The following WFDC8 variants were observed in gnomAD, a reference collection of about 807,000 sequenced individuals.
WFDC8 encodes WAP four-disulfide core domain 8, also known as WAP four-disulfide core domain protein 8.
Under a neutral mutation model 27.0 loss-of-function variants are expected in WFDC8, and 24 were observed. That is an observed-to-expected ratio of 0.89 (90% CI 0.64 to 1.25). WFDC8 has a LOEUF of 1.25. WFDC8 is among the 50% of genes most tolerant of loss of function. WFDC8 has a pLI of 0.00. For synonymous variants in WFDC8, 106 were observed against 99.7 expected (o/e 1.06, Z -0.38); for missense variants, 287 against 295.9 (o/e 0.97, Z 0.22).
At chr20:45,562,034 G>T in intron 2 of WFDC8, 76 bp downstream of exon 2, 1 of 1,353,340 alleles carries the variant, frequency 7.4e-7, no homozygotes, top group South Asian at 1.3e-5. Context: ...TCTGACACTG[G>T]CACTGGCCTC....
At chr20:45,561,475 CA>C (rs1980466028) in intron 2 of WFDC8, among the ~76,000 whole-genome samples, 1 of 152,174 alleles carries the variant, frequency 6.6e-6, no homozygotes, top group Admixed American at 6.5e-5. Flanking sequence ...TTGGCATCAA[CA>C]GGTCCAGTTT....
rs377095539 is a variant in WFDC8, at chr20:45,579,216, C to T, written c.26+6G>A. 502 of 1,613,782 alleles carry T rather than the reference C, an allele frequency of 3.1e-4. 1 individual carries two copies. Among genetic ancestry groups the T allele is most frequent in the Non-Finnish European group, 3.8e-4 (454 of 1,179,944 alleles). ...GGCTACCCACCCCCATAGACACCCT[C>T]CTCACCCTCCTTCAGTTCGGACAGT... On this transcript the variant is annotated splice_donor_region_variant and intron_variant, in intron 1 of 5. Coordinates refer to ENST00000289953, the MANE Select transcript of WFDC8 (RefSeq NM_130896.3).
At chr20:45,558,083 C>A (rs1044068198) in intron 3 of WFDC8, among the ~76,000 whole-genome samples, 1 of 152,162 alleles carries the variant, frequency 6.6e-6, no homozygotes, top group African/African-American at 2.4e-5. Context: ...ACCAATCAAT[C>A]ACAGCTTTAT....
intron 1 of WFDC8, among the ~76,000 whole-genome samples, chr20:45,569,838 T>A (rs1292474066): frequency 6.6e-6 from 1 of 152,130 alleles, no homozygotes; most frequent in Non-Finnish European, 1.5e-5. Context: ...ATACACACAA[T>A]GGAATACTAT....
At chr20:45,571,817 T>C (rs1313119944) in intron 1 of WFDC8, among the ~76,000 whole-genome samples, 1 of 152,232 alleles carries the variant, frequency 6.6e-6, no homozygotes, top group Non-Finnish European at 1.5e-5. Flanking sequence ...ATTTCCTTCT[T>C]TTTAAAGGCT....
chr20:45,569,692 A>G (rs1980803123), intron 1 of WFDC8, among the ~76,000 whole-genome samples: 1 of 152,190 alleles, frequency 6.6e-6, no homozygotes, highest in East Asian at 1.9e-4. Flanking sequence ...GTCCAGTTTC[A>G]GTCTTCTGCA....
intron 4 of WFDC8, 69 bp downstream of exon 4, chr20:45,555,632 C>G: frequency 6.4e-7 from 1 of 1,567,058 alleles, no homozygotes; most frequent in Non-Finnish European, 8.8e-7. Context: ...AAATCCTGAG[C>G]CTATAACCTC....
chr20:45,578,178 A>G (rs910009997), intron 1 of WFDC8, among the ~76,000 whole-genome samples: 1 of 151,390 alleles, frequency 6.6e-6, no homozygotes, highest in African/African-American at 2.4e-5. Context: ...ACAGAAGCAC[A>G]TATAAAAACA....
At chr20:45,554,404 T>C (rs1980164844) in intron 4 of WFDC8, among the ~76,000 whole-genome samples, 1 of 152,146 alleles carries the variant, frequency 6.6e-6, no homozygotes, top group South Asian at 2.1e-4. Flanking sequence ...TAGTGGATTT[T>C]AGGAGTCAGA....
intron 1 of WFDC8, among the ~76,000 whole-genome samples, chr20:45,573,699 T>C (rs1384411961): frequency 6.6e-6 from 1 of 152,238 alleles, no homozygotes; most frequent in Non-Finnish European, 1.5e-5. Flanking sequence ...GTTGATTTTT[T>C]TGCATGGTGT....
At chr20:45,553,055 GAC>G (rs1980098140) in intron 5 of WFDC8, 79 bp downstream of exon 5, 1 of 1,517,990 alleles carries the variant, frequency 6.6e-7, no homozygotes, top group Non-Finnish European at 8.9e-7. Context: ...TGAGGTTCAA[GAC>G]ACCCCCCACT....
chr20:45,575,440 G>A lies in WFDC8; in HGVS notation c.26+3782C>T, dbSNP rs1488951648. On this transcript the variant is annotated intron_variant, in intron 1 of 5. Transcript: ENST00000289953. The stretch of plus-strand genomic sequence containing the variant: ...TTACAATAGCATAAAAAATACTTAG[G>A]AGTAAATTTAACAAAGGATATGAAA... 4.3e-5 allele frequency among the ~76,000 whole-genome samples: 6 copies of A among 141,050 alleles called. 1 individual carries two copies. Among genetic ancestry groups the A allele is most frequent in the Non-Finnish European group, 9.8e-5 (6 of 61,294 alleles). The allele number at this position is 141,050 out of a possible 152,430, so 92.5% of individuals were successfully genotyped here. A position where few individuals can be genotyped will look rare whatever the true frequency, so the allele number is the denominator to read the frequency against.
Position 45,558,963 on chromosome 20 carries a change from G to A in WFDC8, c.166C>T (p.Leu56Phe). 6.2e-7 allele frequency: 1 copy of A among 1,614,166 alleles called. No homozygotes were observed. The change falls in exon 3 of 6, where the codon CTC (leucine) becomes TTC (phenylalanine). Residue 56 changes from leucine to phenylalanine, a missense_variant. By Grantham distance (22) the Leu-to-Phe change is conservative (BLOSUM62 0). Transcript: ENST00000289953. Reference sequence around the variant, plus strand: ...TCCGGAAGTTCAGTGGTACAGGTGAGCCTCTCTTTGGGACATAACCCTGGT... The same window carrying A: ...TCCGGAAGTTCAGTGGTACAGGTGAACCTCTCTTTGGGACATAACCCTGGT... ...HKPGLCPKER[L>F]TCTTELPDSC...
At chr20:45,567,000 G>A (rs1980702456) in intron 1 of WFDC8, among the ~76,000 whole-genome samples, 1 of 152,094 alleles carries the variant, frequency 6.6e-6, no homozygotes, top group South Asian at 2.1e-4. Flanking sequence ...GCAAGTAGTT[G>A]TTATACTGTA....
At chr20:45,564,947 A>AGG (rs1247568875) in intron 1 of WFDC8, among the ~76,000 whole-genome samples, 1 of 126,258 alleles carries the variant, frequency 7.9e-6, no homozygotes, top group Non-Finnish European at 1.8e-5. Context: ...GAAAGAAAGA[A>AGG]AGAAGGAAGG....
chr20:45,557,820 A>G (rs1247987356), intron 3 of WFDC8, among the ~76,000 whole-genome samples: 1 of 152,234 alleles, frequency 6.6e-6, no homozygotes, highest in Admixed American at 6.5e-5. Flanking sequence ...TGCCTAACAA[A>G]GTGCCTAGTA....
intron 1 of WFDC8, among the ~76,000 whole-genome samples, chr20:45,563,400 A>G (rs985107121): frequency 1.3e-5 from 2 of 152,232 alleles, no homozygotes; most frequent in South Asian, 2.1e-4. Flanking sequence ...TAGGAAACGT[A>G]GCATTCAGAG....
intron 4 of WFDC8, among the ~76,000 whole-genome samples, chr20:45,553,495 G>T (rs758608313): frequency 6.6e-6 from 1 of 152,180 alleles, no homozygotes; most frequent in Non-Finnish European, 1.5e-5. Flanking sequence ...CCATGGTAAA[G>T]TCCCAGTCCT....
At chr20:45,558,362 G>A (rs1980343365) in intron 3 of WFDC8, among the ~76,000 whole-genome samples, 1 of 152,184 alleles carries the variant, frequency 6.6e-6, no homozygotes, top group African/African-American at 2.4e-5. Flanking sequence ...TATTCTGGTG[G>A]TCTTTGTTCA....
Sources: allele counts gnomAD v4.1 joint callset (sites outside exome capture counted in the v4.1 genomes callset), GRCh38; gene constraint gnomAD v4.1.1; transcripts MANE v1.5; gene names NCBI Gene and HGNC (gene_info 2026-07-23, HGNC 2026-07-21).